Variants in DIPK1A observed in about 807,000 individuals in gnomAD.
DIPK1A encodes divergent protein kinase domain 1A.
A neutral mutation model predicts 40.8 loss-of-function variants in DIPK1A; 27 were observed. The observed-to-expected ratio is 0.66, with a 90% CI of 0.49 to 0.91. DIPK1A has a LOEUF of 0.91. Ranked by LOEUF, DIPK1A falls within the 40% of genes least tolerant of loss-of-function variation. The probability of loss-of-function intolerance (pLI) is 0.00; values close to 1 mark genes in which losing one functional copy is unlikely to be tolerated. For missense variants in DIPK1A, 412 were observed against 505.7 expected (o/e 0.81, Z 1.78); for synonymous variants, 166 against 171.3 (o/e 0.97, Z 0.24).
intron 1 of DIPK1A, among the ~76,000 whole-genome samples, chr1:92,944,305 C>A (rs1460427195): frequency 6.6e-6 from 1 of 152,166 alleles, no homozygotes; most frequent in African/African-American, 2.4e-5. Flanking sequence ...AACTATTCAA[C>A]AAATAATATA....
intron 4 of DIPK1A, chr1:92,834,643 C>A: frequency 8.6e-7 from 1 of 1,156,586 alleles, no homozygotes; most frequent in Non-Finnish European, 1.3e-6. Context: ...ACTGGTAACC[C>A]AGCTAAGAGT....
At chr1:92,872,481 G>T (rs563846629) in intron 2 of DIPK1A, among the ~76,000 whole-genome samples, 1 of 152,026 alleles carries the variant, frequency 6.6e-6, no homozygotes, top group Non-Finnish European at 1.5e-5. Flanking sequence ...TGAATATAAA[G>T]TTATTTTTAC....
At chr1:92,895,889 G>A (rs1649142329) in intron 1 of DIPK1A, among the ~76,000 whole-genome samples, 1 of 152,030 alleles carries the variant, frequency 6.6e-6, no homozygotes, top group African/African-American at 2.4e-5. Flanking sequence ...AATCATCAGT[G>A]AATTCCCATT....
chr1:92,889,147 A>C (rs1374416123), intron 1 of DIPK1A, among the ~76,000 whole-genome samples: 1 of 152,156 alleles, frequency 6.6e-6, no homozygotes, highest in Non-Finnish European at 1.5e-5. Context: ...CATGCCTTCT[A>C]TTCAAGTCTT....
chr1:92,904,676 C>A (rs923423481), intron 1 of DIPK1A, among the ~76,000 whole-genome samples: 3 of 151,814 alleles, frequency 2.0e-5, no homozygotes, highest in Admixed American at 2.0e-4. Flanking sequence ...TCCAATTATA[C>A]CTTTTTAGTT....
intron 2 of DIPK1A, among the ~76,000 whole-genome samples, chr1:92,859,708 T>C (rs745337497): frequency 5.3e-5 from 8 of 152,138 alleles, no homozygotes; most frequent in East Asian, 1.9e-4. Context: ...TTGGTGAAAT[T>C]TGTCATTTTC....
intron 2 of DIPK1A, among the ~76,000 whole-genome samples, chr1:92,857,618 C>T (rs937530479): frequency 1.5e-4 from 23 of 151,964 alleles, no homozygotes; most frequent in African/African-American, 5.6e-4. Flanking sequence ...CCACCGTGCC[C>T]GGCTGTCATA....
downstream of DIPK1A, chr1:92,841,679 C>A: frequency 1.2e-6 from 1 of 826,176 alleles, no homozygotes; most frequent in South Asian, 2.3e-5. Flanking sequence ...TATTCTCTAT[C>A]AAAATTAAAT....
chr1:92,835,737 A>C (rs552956413), intron 4 of DIPK1A, among the ~76,000 whole-genome samples: 23 of 151,860 alleles, frequency 1.5e-4, no homozygotes, highest in Admixed American at 1.3e-3. Context: ...TTTTGTTTTA[A>C]ACATTTTTCC....
chr1:92,961,433 A>G lies in DIPK1A; in HGVS notation c.-4T>C. 6.6e-7 allele frequency: 1 copy of G among 1,507,626 alleles called. No individual in the cohort carries two copies. Among genetic ancestry groups the G allele is most frequent in the Middle Eastern group, 1.9e-4 (1 of 5,292 alleles). The allele number at this position is 1,507,626 out of a possible 1,614,324, so 93.4% of individuals were successfully genotyped here. Reference sequence around the variant, plus strand: ...CCGGACAGAGACTCCTCGCCATGGTAATCACACATCGCCCCGCCGCGCTGC... The same window carrying G: ...CCGGACAGAGACTCCTCGCCATGGTGATCACACATCGCCCCGCCGCGCTGC... On this transcript the variant is annotated 5_prime_UTR_variant, in exon 1 of 5. Coordinates refer to ENST00000370310, the MANE Select transcript of DIPK1A (RefSeq NM_001006605.5).
At chr1:92,928,267 A>G (rs1269099854) in intron 1 of DIPK1A, among the ~76,000 whole-genome samples, 2 of 152,216 alleles carry the variant, frequency 1.3e-5, no homozygotes, top group Non-Finnish European at 2.9e-5. Context: ...AATACAATCT[A>G]CTTAGAGTTA....
chr1:92,927,462 C>T (rs745692927), intron 1 of DIPK1A, among the ~76,000 whole-genome samples: 1 of 151,420 alleles, frequency 6.6e-6, no homozygotes, highest in Non-Finnish European at 1.5e-5. Flanking sequence ...CCACCTCAGC[C>T]TCCCCAAGTG....
rs527490226 is a variant in DIPK1A, at chr1:92,867,159, T to C, written c.189+9137A>G. The stretch of plus-strand genomic sequence containing the variant: ...AAGCCTAAATAATTTGCCCAACTTA[T>C]ACAGCTCAGAAATGGCAAAGCTGGA... On this transcript the variant is annotated intron_variant, in intron 2 of 4. Coordinates refer to ENST00000370310, the MANE Select transcript of DIPK1A (RefSeq NM_001006605.5). 2.6e-5 allele frequency among the ~76,000 whole-genome samples: 4 copies of C among 152,044 alleles called. No homozygotes were observed. The South Asian group carries it at 6.2e-4, about 24-fold the overall frequency.
intron 2 of DIPK1A, among the ~76,000 whole-genome samples, chr1:92,863,385 A>G (rs998271292): frequency 6.6e-6 from 1 of 152,214 alleles, no homozygotes; most frequent in Non-Finnish European, 1.5e-5. Context: ...GAAATATCAC[A>G]AAATATAAGA....
At chr1:92,865,041 C>CAAAAA (rs56735279) in intron 2 of DIPK1A, among the ~76,000 whole-genome samples, 3 of 70,414 alleles carry the variant, frequency 4.3e-5, no homozygotes, top group Admixed American at 2.1e-4. Context: ...GACTCCGTCT[C>CAAAAA]AAAAAAAAAA....
intron 1 of DIPK1A, among the ~76,000 whole-genome samples, chr1:92,912,335 T>G (rs7535576): frequency 6.6e-6 from 1 of 152,088 alleles, no homozygotes; most frequent in Non-Finnish European, 1.5e-5. Flanking sequence ...GTGATAGGTT[T>G]GTGGGCGTTA....
intron 1 of DIPK1A, among the ~76,000 whole-genome samples, chr1:92,922,653 A>G (rs546128090): frequency 2.6e-5 from 4 of 152,146 alleles, no homozygotes; most frequent in Non-Finnish European, 4.4e-5. Flanking sequence ...AGTAACATAA[A>G]TCCTATTCTT....
At chr1:92,868,891 G>A (rs1647693810) in intron 2 of DIPK1A, among the ~76,000 whole-genome samples, 1 of 151,558 alleles carries the variant, frequency 6.6e-6, no homozygotes, top group Non-Finnish European at 1.5e-5. Flanking sequence ...GCTTGAATCT[G>A]GGAGGTGGAG....
chr1:92,845,517 A>G (rs1426466414), intron 4 of DIPK1A: 2 of 392,642 alleles, frequency 5.1e-6, no homozygotes, highest in Admixed American at 3.3e-5. Flanking sequence ...AGAAAAAAAA[A>G]AAAAAAAAAA....
Sources: gnomAD v4.1 joint callset for allele counts (sites outside exome capture counted in the v4.1 genomes callset) on GRCh38, gnomAD v4.1.1 for gene constraint, MANE v1.5 for transcripts, NCBI Gene and HGNC (gene_info 2026-07-23, HGNC 2026-07-21) for gene names.